Variants in GRID2 observed in about 807,000 individuals in gnomAD.
The protein encoded by GRID2 is glutamate ionotropic receptor delta type subunit 2, also known as glutamate receptor ionotropic, delta-2.
Under a neutral mutation model 114.8 loss-of-function variants are expected in GRID2, and 33 were observed. The ratio of observed to expected loss-of-function variants is 0.29; its 90% CI spans 0.22 to 0.38. The LOEUF (loss-of-function observed/expected upper bound fraction) is 0.38, where lower values mean the gene tolerates loss of function less well. Among genes scored for constraint, GRID2 ranks in the 10% least tolerant of loss-of-function variants. The probability of loss-of-function intolerance (pLI) is 1.00; values close to 1 mark genes in which losing one functional copy is unlikely to be tolerated. For synonymous variants in GRID2, 505 were observed against 449.9 expected (o/e 1.12, Z -1.55); for missense variants, 1,184 against 1,257.7 (o/e 0.94, Z 0.89).
intron 8 of GRID2, among the ~76,000 whole-genome samples, chr4:93,273,608 T>A (rs1268384522): frequency 1.3e-5 from 2 of 152,038 alleles, no homozygotes; most frequent in African/African-American, 2.4e-5. Context: ...GGATTGAGGA[T>A]TATCTGGGTA....
chr4:92,677,026 C>A (rs1048833970), intron 2 of GRID2, among the ~76,000 whole-genome samples: 5 of 152,002 alleles, frequency 3.3e-5, no homozygotes, highest in African/African-American at 4.8e-5. Flanking sequence ...CACAGAAAGA[C>A]AAATATTATA....
At chr4:92,998,249 A>C (rs2149213409) in intron 2 of GRID2, among the ~76,000 whole-genome samples, 1 of 152,214 alleles carries the variant, frequency 6.6e-6, no homozygotes, top group East Asian at 1.9e-4. Context: ...TTATTAAAAT[A>C]ACTATCTTTC....
At chr4:93,276,664 C>A (rs764343085) in intron 8 of GRID2, among the ~76,000 whole-genome samples, 1 of 151,864 alleles carries the variant, frequency 6.6e-6, no homozygotes, top group South Asian at 2.1e-4. Flanking sequence ...CTATTTTGTT[C>A]TTTTTGATAC....
intron 14 of GRID2, among the ~76,000 whole-genome samples, chr4:93,714,665 A>G (rs1468004440): frequency 6.6e-6 from 1 of 152,090 alleles, no homozygotes; most frequent in Non-Finnish European, 1.5e-5. Context: ...TTTGATTTGC[A>G]TTTCTCTAAT....
intron 2 of GRID2, among the ~76,000 whole-genome samples, chr4:92,900,765 C>T (rs971563912): frequency 1.7e-4 from 23 of 134,328 alleles, no homozygotes; most frequent in African/African-American, 2.8e-4. Context: ...ACCTGGGAGG[C>T]GGAGCTTGCA....
At chr4:92,843,169 G>C (rs1306632742) in intron 2 of GRID2, among the ~76,000 whole-genome samples, 5 of 152,034 alleles carry the variant, frequency 3.3e-5, no homozygotes, top group Non-Finnish European at 7.4e-5. Context: ...TTGAACCAGG[G>C]AGGTAGAGGG....
chr4:92,641,848 T>C (rs553086661), intron 2 of GRID2, among the ~76,000 whole-genome samples: 273 of 151,522 alleles, frequency 1.8e-3, no homozygotes, highest in African/African-American at 6.4e-3. Flanking sequence ...GTATGTTCAA[T>C]GTTTTCCTTC....
intron 2 of GRID2, among the ~76,000 whole-genome samples, chr4:93,051,657 T>G (rs957086132): frequency 9.9e-5 from 15 of 152,044 alleles, no homozygotes; most frequent in Admixed American, 9.9e-4. Context: ...TTCCATGGTT[T>G]TACATTTTTC....
chr4:93,468,118 T>A (rs1724464389), intron 11 of GRID2, among the ~76,000 whole-genome samples: 1 of 152,216 alleles, frequency 6.6e-6, no homozygotes, highest in Non-Finnish European at 1.5e-5. Context: ...ATCCCTTCAG[T>A]CATTTGAACA....
chr4:93,142,314 A>G (rs1172424568), intron 4 of GRID2, among the ~76,000 whole-genome samples: 1 of 152,218 alleles, frequency 6.6e-6, no homozygotes, highest in Admixed American at 6.5e-5. Flanking sequence ...TGCCCAGCTT[A>G]TAAACAACAG....
chr4:93,693,770 A>T (rs2110120665), intron 14 of GRID2, among the ~76,000 whole-genome samples: 1 of 152,294 alleles, frequency 6.6e-6, no homozygotes, highest in East Asian at 1.9e-4. Flanking sequence ...ACACAATAAA[A>T]CCACCACAGC....
intron 2 of GRID2, among the ~76,000 whole-genome samples, chr4:92,594,296 T>C: frequency 6.6e-6 from 1 of 151,922 alleles, no homozygotes; most frequent in Non-Finnish European, 1.5e-5. Context: ...TGTTCAACCA[T>C]GGAATAGTAG....
intron 2 of GRID2, among the ~76,000 whole-genome samples, chr4:92,846,906 C>G (rs959070250): frequency 1.3e-5 from 2 of 152,066 alleles, no homozygotes; most frequent in African/African-American, 2.4e-5. Context: ...GAAAGATTCC[C>G]ATGTTCCCAT....
intron 1 of GRID2, among the ~76,000 whole-genome samples, chr4:92,515,548 CAAG>C (rs1378222213): frequency 2.6e-5 from 4 of 151,836 alleles, no homozygotes; most frequent in African/African-American, 9.7e-5. Flanking sequence ...TCCAACCAAT[CAAG>C]AAGTCCAGTG....
chr4:92,486,327 G>A lies in GRID2; in HGVS notation c.89-103804G>A, dbSNP rs545514586. ...CAGCATAAAAAATAGAAATAAAGGG[G>A]TACATCATTCATAAGCCTCATATTT... On this transcript the variant is annotated intron_variant, in intron 1 of 15. Coordinates refer to ENST00000282020, the MANE Select transcript of GRID2 (RefSeq NM_001510.4). Among the ~76,000 whole-genome samples, 4 of 151,544 alleles carry A rather than the reference G, an allele frequency of 2.6e-5. No homozygotes were observed. In the South Asian group the frequency reaches 6.2e-4, roughly 24 times the overall value.
intron 2 of GRID2, among the ~76,000 whole-genome samples, chr4:92,936,108 A>T (rs189065334): frequency 1.4e-5 from 2 of 147,022 alleles, no homozygotes; most frequent in African/African-American, 4.8e-5. Context: ...ATGTTAAACA[A>T]AAGAAATGCA....
chr4:92,389,435 T>C (rs546940144), intron 1 of GRID2, among the ~76,000 whole-genome samples: 1 of 152,220 alleles, frequency 6.6e-6, no homozygotes, highest in East Asian at 1.9e-4. Flanking sequence ...GACCACCTTT[T>C]CTGAAAGGAA....
At chr4:93,301,388 T>G (rs1434357758) in intron 8 of GRID2, among the ~76,000 whole-genome samples, 2 of 152,168 alleles carry the variant, frequency 1.3e-5, no homozygotes, top group African/African-American at 4.8e-5. Flanking sequence ...AAGTAGTTAT[T>G]TTCTCATATT....
intron 2 of GRID2, among the ~76,000 whole-genome samples, chr4:92,643,614 T>C (rs1731470023): frequency 6.6e-6 from 1 of 151,818 alleles, no homozygotes; most frequent in Admixed American, 6.6e-5. Context: ...TATCTATGAA[T>C]ACAGTTAGCC....
Sources: allele counts gnomAD v4.1 joint callset (sites outside exome capture counted in the v4.1 genomes callset), GRCh38; gene constraint gnomAD v4.1.1; transcripts MANE v1.5; gene names NCBI Gene and HGNC (gene_info 2026-07-23, HGNC 2026-07-21).